RND3: variants seen among roughly 807,000 people sequenced by gnomAD.
RND3 encodes rho-related GTP-binding protein RhoE.
In RND3, 8 loss-of-function variants were observed where a neutral mutation model predicts 26.5. That is an observed-to-expected ratio of 0.30 (90% CI 0.18 to 0.54). The LOEUF (loss-of-function observed/expected upper bound fraction) is 0.54, where lower values mean the gene tolerates loss of function less well. Ranked by LOEUF, RND3 falls within the 20% of genes least tolerant of loss-of-function variation. The pLI, the probability that RND3 is intolerant of heterozygous loss-of-function variation, is 0.94. For synonymous variants in RND3, 113 were observed against 113.0 expected, an observed-to-expected ratio of 1.00 and a Z score of 0.00; for missense variants, 207 against 302.8, an observed-to-expected ratio of 0.68 and a Z score of 2.35.
chr2:150,473,533 G>T (rs527536304), intron 4 of RND3, among the ~76,000 whole-genome samples: 1 of 152,262 alleles, frequency 6.6e-6, no homozygotes, highest in African/African-American at 2.4e-5. Context: ...AAGCATTAAA[G>T]ACAGGAAAGG....
At chr2:150,485,797 T>C (rs543317575) in intron 3 of RND3, among the ~76,000 whole-genome samples, 20 of 152,064 alleles carry the variant, frequency 1.3e-4, no homozygotes, top group Non-Finnish European at 2.5e-4. Flanking sequence ...GGAGGGTACC[T>C]AGCCCTCCCT....
At chr2:150,487,240 C>T (rs1205841540) in intron 2 of RND3, 28 bp downstream of exon 2, 3 of 1,553,466 alleles carry the variant, frequency 1.9e-6, no homozygotes, top group South Asian at 1.2e-5. Context: ...CCGACCCCCT[C>T]GTGGAAGCCG....
chr2:150,470,066 T>C lies in RND3; in HGVS notation c.656A>G (p.His219Arg). 6.2e-7 allele frequency: 1 copy of C among 1,614,140 alleles called. No homozygotes were observed. The highest frequency in any genetic ancestry group is 1.7e-5 in the Admixed American group (1 of 60,008). The change falls in exon 6 of 6, where the codon CAC becomes CGC. Residue 219 changes from histidine (H) to arginine (R), a missense_variant. Coordinates refer to ENST00000263895, the MANE Select transcript of RND3 (RefSeq NM_005168.5). Reference protein sequence around the residue: ...KSQRATKRISHMPSRPELSAV... With the variant: ...KSQRATKRISRMPSRPELSAV... ...CGAGAGTTCTGGTCTGCTAGGCATG[T>C]GTGAAATCCGCTTTGTGGCTCTCTG...
chr2:150,485,022 C>T (rs1261738874), intron 3 of RND3, among the ~76,000 whole-genome samples: 2 of 152,120 alleles, frequency 1.3e-5, no homozygotes, highest in Non-Finnish European at 2.9e-5. Context: ...CATTAAGTAC[C>T]AGGCTGTAAA....
chr2:150,471,486 T>C, intron 5 of RND3, 141 bp downstream of exon 5: 1 of 641,468 alleles, frequency 1.6e-6, no homozygotes, highest in South Asian at 2.4e-5. Flanking sequence ...CACTAATAAA[T>C]GACAGCATTT....
chr2:150,482,854 C>T (rs1686298789), intron 3 of RND3, among the ~76,000 whole-genome samples: 1 of 152,040 alleles, frequency 6.6e-6, no homozygotes, highest in African/African-American at 2.4e-5. Context: ...GGTTCAAGGA[C>T]CTGACAAAAT....
intron 3 of RND3, among the ~76,000 whole-genome samples, chr2:150,478,191 T>TA (rs1462612790): frequency 9.2e-4 from 130 of 141,912 alleles, no homozygotes; most frequent in Middle Eastern, 3.6e-3. Context: ...ACTTTCAGGA[T>TA]AAAAAAAAAA....
At chr2:150,475,405 C>A (rs1262662536) in intron 3 of RND3, among the ~76,000 whole-genome samples, 1 of 152,160 alleles carries the variant, frequency 6.6e-6, no homozygotes, top group African/African-American at 2.4e-5. Flanking sequence ...AACATACATA[C>A]CTGAGATTAA....
At chr2:150,482,443 GA>G (rs1248906587) in intron 3 of RND3, among the ~76,000 whole-genome samples, 1 of 152,154 alleles carries the variant, frequency 6.6e-6, no homozygotes, top group East Asian at 1.9e-4. Flanking sequence ...CTTCACAATT[GA>G]AACTATTACC....
chr2:150,485,947 G>A (rs2105224507), intron 3 of RND3, among the ~76,000 whole-genome samples: 1 of 152,118 alleles, frequency 6.6e-6, no homozygotes, highest in South Asian at 2.1e-4. Context: ...TGTTGCCCGC[G>A]GCCTTGGAGG....
In RND3 at chr2:150,486,612, C is replaced by G. The variant is rs1422219341; in HGVS notation, c.238+82G>C. 1 of 967,610 alleles carries G rather than the reference C, an allele frequency of 1.0e-6. No individual in the cohort carries two copies. Among genetic ancestry groups the G allele is most frequent in the African/African-American group, 1.6e-5 (1 of 62,500 alleles). 59.9% of individuals were successfully genotyped at this position (967,610 alleles called of 1,614,324 possible). A position where few individuals can be genotyped will look rare whatever the true frequency, so the allele number is the denominator to read the frequency against. On this transcript the variant is annotated intron_variant, in intron 3 of 5. Transcript: ENST00000263895. The surrounding 1 kb of genome is among the most constrained non-coding windows in gnomAD (Gnocchi z 4.5). ...TGGGAGGGGCGCAGACGGCTTGTAG[C>G]GCGCGGTTTCCCGAGACCCGCCGCG...
rs2105215397 is a variant in RND3, at chr2:150,470,249, A to G, written c.484-11T>C. ...GGCCATATTTGCCCCCTGAGAAGCA[A>G]AAGAAGGGATTTTAACCAGCAATAA... is the stretch of plus-strand genomic sequence containing the variant. On this transcript the variant is annotated splice_polypyrimidine_tract_variant and intron_variant, in intron 5 of 5. Coordinates refer to ENST00000263895, the MANE Select transcript of RND3 (RefSeq NM_005168.5). 6.2e-7 allele frequency: 1 copy of G among 1,609,958 alleles called. No individual in the cohort carries two copies. Among genetic ancestry groups the G allele is most frequent in the East Asian group, 2.2e-5 (1 of 44,800 alleles).
At chr2:150,484,685 A>C (rs1686329193) in intron 3 of RND3, among the ~76,000 whole-genome samples, 1 of 152,200 alleles carries the variant, frequency 6.6e-6, no homozygotes, top group African/African-American at 2.4e-5. Context: ...TAAAGCCAAG[A>C]AGTGTACAGC....
Position 150,475,211 on chromosome 2 carries a change from G to A in RND3, c.239-227C>T, listed in dbSNP as rs927740300. ...GACATAAATTCAAGAAGAGGGCCAG[G>A]ATCTTAAGTGAAATCTGTATGGTTC... On this transcript the variant is annotated intron_variant, in intron 3 of 5. Transcript: ENST00000263895. The A allele has an allele frequency of 1.5e-5, 6 of 405,136 alleles. No homozygotes were observed. In the East Asian group the frequency reaches 2.5e-4, roughly 17 times the overall value. 25.1% of individuals were successfully genotyped at this position (405,136 alleles called of 1,614,324 possible).
At chr2:150,479,997 G>A (rs892831772) in intron 3 of RND3, among the ~76,000 whole-genome samples, 2 of 152,184 alleles carry the variant, frequency 1.3e-5, no homozygotes, top group African/African-American at 4.8e-5. Flanking sequence ...TACAAAATTA[G>A]AAAGTCAGAC....
rs71422244 is a variant in RND3 at position 150,487,464 on chromosome 2, G to GAAAAA, written c.-38-14_-38-10dup. The GAAAAA allele has an allele frequency of 1.4e-3, 399 of 288,280 alleles. 3 individuals are homozygous for GAAAAA. The highest frequency in any genetic ancestry group is 2.1e-3 in the Middle Eastern group (3 of 1,404). 17.9% of individuals were successfully genotyped at this position (288,280 alleles called of 1,614,324 possible). ...TGGAACAGGAATTTTCTCTTAAGAA[G>GAAAAA]AAAAAAAAAAATATATATATATATA... is the stretch of plus-strand genomic sequence containing the variant. On this transcript the variant is annotated splice_polypyrimidine_tract_variant and intron_variant, in intron 1 of 5. Transcript: ENST00000263895.
At chr2:150,487,195 C>T (rs1268756192) in intron 2 of RND3, 73 bp downstream of exon 2, 4 of 1,026,646 alleles carry the variant, frequency 3.9e-6, no homozygotes, top group African/African-American at 3.5e-5. Context: ...CGGATGAAAG[C>T]GGGGAGGCCC....
At chr2:150,485,055 A>C (rs1012727293) in intron 3 of RND3, among the ~76,000 whole-genome samples, 1 of 152,190 alleles carries the variant, frequency 6.6e-6, no homozygotes, top group African/African-American at 2.4e-5. Context: ...GGAACTACTG[A>C]AATAAGGAAC....
At chr2:150,474,826 T>C (rs1686140544) in intron 4 of RND3, 49 bp downstream of exon 4, 5 of 1,078,600 alleles carry the variant, frequency 4.6e-6, no homozygotes, top group Non-Finnish European at 4.3e-6. Context: ...CACGTTTCTA[T>C]TTATACATCA....
Sources: allele counts gnomAD v4.1 joint callset (sites outside exome capture counted in the v4.1 genomes callset), GRCh38; gene constraint gnomAD v4.1.1; non-coding constraint Gnocchi (gnomAD v3.1); transcripts MANE v1.5; gene names NCBI Gene and HGNC (gene_info 2026-07-23, HGNC 2026-07-21).